The following FREM1 variants were observed in gnomAD, a reference collection of about 807,000 sequenced individuals.
FREM1 encodes the protein FRAS1 related extracellular matrix 1.
FREM1 carries 220 observed loss-of-function variants against 210.1 expected under a neutral mutation model. The observed-to-expected ratio is 1.05, with a 90% CI of 0.94 to 1.17. The LOEUF (loss-of-function observed/expected upper bound fraction) is 1.17, where lower values mean the gene tolerates loss of function less well. FREM1 is among the 50% of genes most tolerant of loss of function. FREM1 has a pLI of 0.00. For missense variants in FREM1, 3,454 were observed against 2,675.5 expected (o/e 1.29, Z -6.42); for synonymous variants, 1,189 against 980.2 (o/e 1.21, Z -3.98).
Position 14,819,214 on chromosome 9 carries a change from A to T in FREM1, c.2546+20T>A, listed in dbSNP as rs762454837. 2 of 1,547,720 alleles carry T rather than the reference A, an allele frequency of 1.3e-6. No individual in the cohort carries two copies. The highest frequency in any genetic ancestry group is 8.8e-7 in the Non-Finnish European group (1 of 1,137,960). On this transcript the variant is annotated intron_variant, in intron 14 of 36. Transcript: ENST00000380880. ...AAGAAACTAAAGCATGTAAATAAAA[A>T]AACCATGAAATGTTCTAACCTAACT...
intron 10 of FREM1, among the ~76,000 whole-genome samples, chr9:14,827,186 C>T (rs537405344): frequency 8.0e-4 from 121 of 151,456 alleles, no homozygotes; most frequent in Admixed American, 5.3e-4. Flanking sequence ...AGAAGAACCT[C>T]AATCTTCTTA....
At chr9:14,746,304 G>A (rs749301311) in intron 35 of FREM1, 49 bp downstream of exon 35, 5 of 1,320,020 alleles carry the variant, frequency 3.8e-6, no homozygotes, top group South Asian at 3.7e-5. Context: ...AGCAAATAGA[G>A]AAATAGAGAA....
At chr9:14,759,929 T>A (rs760305410) in intron 27 of FREM1, 28 bp from the exon 28 acceptor site, 1 of 1,595,412 alleles carries the variant, frequency 6.3e-7, no homozygotes, top group Non-Finnish European at 8.6e-7. Context: ...AGAGAAATCA[T>A]GAGAATGCAT....
intron 29 of FREM1, among the ~76,000 whole-genome samples, chr9:14,753,113 C>T (rs1349031544): frequency 6.6e-6 from 1 of 152,130 alleles, no homozygotes; most frequent in Non-Finnish European, 1.5e-5. Flanking sequence ...AAAGTATTTG[C>T]TAAGTCCCTG....
rs139917676 is a variant in FREM1 at position 14,841,387 on chromosome 9, C to G, written c.1881+60G>C. 9.4e-4 allele frequency: 1,295 copies of G among 1,370,676 alleles called. 30 individuals are homozygous for G. The East Asian group carries it at 0.03, about 31-fold the overall frequency. 84.9% of individuals were successfully genotyped at this position (1,370,676 alleles called of 1,614,324 possible). On this transcript the variant is annotated intron_variant, in intron 10 of 36. Transcript: ENST00000380880. ...ATTTTCATGTGGTTTCTAACCACATCTCCTAGAATTGACACCTGTGCACAA... is the reference window on the plus strand; with the variant it reads ...ATTTTCATGTGGTTTCTAACCACATGTCCTAGAATTGACACCTGTGCACAA...
At chr9:14,900,589 T>G (rs1053407332) in intron 1 of FREM1, among the ~76,000 whole-genome samples, 6 of 151,736 alleles carry the variant, frequency 4.0e-5, no homozygotes, top group Non-Finnish European at 7.4e-5. Context: ...GGGGGAGGGC[T>G]GGGAAGAGGA....
intron 8 of FREM1, among the ~76,000 whole-genome samples, chr9:14,845,467 G>A (rs369893186): frequency 3.9e-5 from 6 of 152,014 alleles, no homozygotes; most frequent in African/African-American, 1.4e-4. Context: ...ACCATGCCCG[G>A]CTAATTTTTG....
At chr9:14,874,968 T>G (rs1192870203) in intron 1 of FREM1, among the ~76,000 whole-genome samples, 2 of 152,238 alleles carry the variant, frequency 1.3e-5, no homozygotes, top group Non-Finnish European at 2.9e-5. Flanking sequence ...TTGAAAATTC[T>G]TTTCTTTAAG....
At chr9:14,910,985 G>C (rs900432385), upstream of FREM1, 3 of 152,110 alleles carry the variant, frequency 2.0e-5, no homozygotes, top group African/African-American at 7.2e-5. Context: ...CATTTGTAAG[G>C]CTTTTTGTGT....
intron 23 of FREM1, among the ~76,000 whole-genome samples, chr9:14,787,199 G>T (rs550342774): frequency 4.3e-4 from 66 of 152,092 alleles, no homozygotes; most frequent in Non-Finnish European, 5.6e-4. Context: ...GTATAGTCTT[G>T]TTTAGAGATA....
intron 1 of FREM1, among the ~76,000 whole-genome samples, chr9:14,896,957 C>A (rs1196839218): frequency 6.6e-6 from 1 of 152,164 alleles, no homozygotes; most frequent in Non-Finnish European, 1.5e-5. Flanking sequence ...CTCAAACTCA[C>A]AGATGTCTGC....
At position 14,824,059 on chromosome 9, in the gene FREM1, T is replaced by G. The variant is rs1326979615; in HGVS notation, c.2135A>C (p.Asn712Thr). 1 of 1,594,102 alleles carries G rather than the reference T, an allele frequency of 6.3e-7. No homozygotes were observed. Among genetic ancestry groups the G allele is most frequent in the Non-Finnish European group, 8.6e-7 (1 of 1,169,154 alleles). The change falls in exon 12 of 37, where the codon AAT (asparagine) becomes ACT (threonine). Residue 712 changes from asparagine (N) to threonine (T), a missense_variant. By Grantham distance (65) the Asn-to-Thr change is moderately conservative (BLOSUM62 0). Coordinates refer to ENST00000380880, the MANE Select transcript of FREM1 (RefSeq NM_001379081.2). ...TGACCTCAGCTCCAGGGCCGTAGGA[T>G]TCTTAACTACTTTTGGTATGCTGTC... ...MVDSIPKVVK[N>T]PTALELRSFT...
In FREM1 at chr9:14,739,977, CA is replaced by C. The variant is rs377218862; in HGVS notation, c.6340+171del. Reference sequence around the variant, plus strand: ...ATGTCTAAAAATGAAAGTAGTGTGTCAAAAAAAAGGTTTAAGATGAGTTTTA... The same window carrying C: ...ATGTCTAAAAATGAAAGTAGTGTGTCAAAAAAAGGTTTAAGATGAGTTTTA... On this transcript the variant is annotated intron_variant, in intron 36 of 36. Coordinates refer to ENST00000380880, the MANE Select transcript of FREM1 (RefSeq NM_001379081.2). Among the ~76,000 whole-genome samples, 232 of 151,372 alleles carry C rather than the reference CA, an allele frequency of 1.5e-3. 1 individual carries two copies. Among genetic ancestry groups the C allele is most frequent in the African/African-American group, 5.3e-3 (221 of 41,336 alleles).
At chr9:14,790,561 C>T (rs779970556) in intron 22 of FREM1, 1 of 152,172 alleles carries the variant, frequency 6.6e-6, no homozygotes, top group Non-Finnish European at 1.5e-5. Context: ...TTTCCTCTCT[C>T]TTGTCTCCAT....
chr9:14,872,140 T>C lies in FREM1; in HGVS notation c.-267-2896A>G, dbSNP rs192274364. On this transcript the variant is annotated intron_variant, in intron 1 of 36. Coordinates refer to ENST00000380880, the MANE Select transcript of FREM1 (RefSeq NM_001379081.2). ...TTGTTCTTTTGGCTTAGGATTGACT[T>C]GGCAATGCGGGCTCTTTTTTGGTTC... Among the ~76,000 whole-genome samples, 3 of 152,354 alleles carry C rather than the reference T, an allele frequency of 2.0e-5. No homozygotes were observed. The East Asian group carries it at 5.8e-4, about 29-fold the overall frequency.
rs1299491157 is a variant in FREM1, at chr9:14,842,495, C to T, written c.1559G>A (p.Ser520Asn). ...FPINVLPKDDSPPFLITNVVI... is the reference protein window; with the variant it reads ...FPINVLPKDDNPPFLITNVVI... ...AACATTGGTTATGAGGAACGGGGGA[C>T]TATCATCTTTGGGCAAGACGTTGAT... The change falls in exon 9 of 37, where the codon AGT becomes AAT. Residue 520 changes from serine (S) to asparagine (N), a missense_variant. Transcript: ENST00000380880. 6.2e-7 allele frequency: 1 copy of T among 1,614,050 alleles called. No homozygotes were observed. Among genetic ancestry groups the T allele is most frequent in the Non-Finnish European group, 8.5e-7 (1 of 1,179,900 alleles).
At chr9:14,777,984 T>A (rs533052542) in intron 24 of FREM1, among the ~76,000 whole-genome samples, 40 of 152,298 alleles carry the variant, frequency 2.6e-4, no homozygotes, top group African/African-American at 9.6e-4. Context: ...AAAATATATC[T>A]GATTTGATGC....
chr9:14,789,148 GT>G, intron 22 of FREM1, 34 bp from the exon 23 acceptor site: 1 of 1,460,904 alleles, frequency 6.8e-7, no homozygotes, highest in Non-Finnish European at 9.2e-7. Context: ...GCTGCTCATG[GT>G]TTTTTCTTTT....
At chr9:14,756,345 A>G (rs1844358737) in intron 29 of FREM1, 29 bp downstream of exon 29, 2 of 1,522,758 alleles carry the variant, frequency 1.3e-6, no homozygotes, top group East Asian at 4.7e-5. Flanking sequence ...AACAAAACAC[A>G]TAAAACAAAC....
Sources: allele counts gnomAD v4.1 joint callset (sites outside exome capture counted in the v4.1 genomes callset), GRCh38; gene constraint gnomAD v4.1.1; transcripts MANE v1.5; gene names NCBI Gene and HGNC (gene_info 2026-07-23, HGNC 2026-07-21).